RSF1: variants seen among roughly 807,000 people sequenced by gnomAD.
The protein encoded by RSF1 is HBV pX-associated protein 8.
Under a neutral mutation model 145.2 loss-of-function variants are expected in RSF1, and 13 were observed. That is an observed-to-expected ratio of 0.09 (90% confidence interval 0.06 to 0.14). The LOEUF is 0.14. RSF1 is among the 10% of genes least tolerant of loss of function. RSF1 has a pLI of 1.00. For missense variants in RSF1, 1,517 were observed against 1,718.2 expected, an observed-to-expected ratio of 0.88 and a Z score of 2.07; for synonymous variants, 577 against 592.6, an observed-to-expected ratio of 0.97 and a Z score of 0.38.
intron 12 of RSF1, among the ~76,000 whole-genome samples, chr11:77,677,220 C>T (rs1382321090): frequency 1.3e-5 from 2 of 152,140 alleles, no homozygotes; most frequent in East Asian, 3.9e-4. Context: ...TAGGGAACCT[C>T]GTTTTTTAAA....
chr11:77,848,176 G>T, the RSF1 span, among the ~76,000 whole-genome samples: 3 of 152,270 alleles, frequency 2.0e-5, no homozygotes, highest in Admixed American at 6.5e-5. Context: ...AACCATCAAA[G>T]ATACTTATGT....
intron 6 of RSF1, 139 bp downstream of exon 6, chr11:77,700,582 A>G: frequency 1.7e-6 from 1 of 605,014 alleles, no homozygotes; most frequent in Non-Finnish European, 2.8e-6. Context: ...GTAAGAGTAT[A>G]AAGTCTGAAA....
At chr11:77,766,175 A>G (rs772330592) in intron 1 of RSF1, among the ~76,000 whole-genome samples, 1 of 152,190 alleles carries the variant, frequency 6.6e-6, no homozygotes, top group Non-Finnish European at 1.5e-5. Flanking sequence ...TTTAAACCAC[A>G]GGACCATTGT....
intron 15 of RSF1, 86 bp downstream of exon 15, chr11:77,671,956 T>A: frequency 1.6e-6 from 2 of 1,232,816 alleles, no homozygotes; most frequent in Non-Finnish European, 2.2e-6. Flanking sequence ...TTTCAAAGAA[T>A]GGTACAGAAT....
At chr11:77,680,834 A>G (rs973526126) in intron 11 of RSF1, among the ~76,000 whole-genome samples, 1 of 152,232 alleles carries the variant, frequency 6.6e-6, no homozygotes, top group African/African-American at 2.4e-5. Context: ...CAGCACATCC[A>G]TTCACTAGGG....
At chr11:77,694,294 T>C (rs1960231887) in intron 7 of RSF1, among the ~76,000 whole-genome samples, 1 of 152,150 alleles carries the variant, frequency 6.6e-6, no homozygotes, top group Non-Finnish European at 1.5e-5. Flanking sequence ...AAAATTTCCA[T>C]TTTAAATAGC....
chr11:77,821,856 G>A (rs1295046737), upstream of RSF1, among the ~76,000 whole-genome samples: 1 of 152,128 alleles, frequency 6.6e-6, no homozygotes, highest in African/African-American at 2.4e-5. Context: ...GATTCAGCCA[G>A]GCCTGAGTCC....
At chr11:77,808,214 C>G (rs1393684153) in intron 1 of RSF1, among the ~76,000 whole-genome samples, 1 of 151,808 alleles carries the variant, frequency 6.6e-6, no homozygotes, top group Non-Finnish European at 1.5e-5. Flanking sequence ...CGTGCCTGTA[C>G]TCCCAGCTAT....
intron 5 of RSF1, among the ~76,000 whole-genome samples, chr11:77,712,313 G>C (rs568260820): frequency 1.3e-5 from 2 of 152,254 alleles, no homozygotes; most frequent in Non-Finnish European, 2.9e-5. Flanking sequence ...ACATGCCTTT[G>C]CTTCTCCTTT....
chr11:77,709,348 C>T (rs1960625527), intron 5 of RSF1, among the ~76,000 whole-genome samples: 1 of 152,166 alleles, frequency 6.6e-6, no homozygotes, highest in Admixed American at 6.5e-5. Context: ...ATGTAACCTC[C>T]ATCATGGGAA....
chr11:77,701,679 A>G lies in RSF1; in HGVS notation c.1550T>C (p.Ile517Thr). The G allele has an allele frequency of 6.2e-7, 1 of 1,614,052 alleles. No homozygotes were observed. The highest frequency in any genetic ancestry group is 8.5e-7 in the Non-Finnish European group (1 of 1,180,012). ...APLRKDADSS[I>T]SVLEIHSQKA... ...TTGACTATGGATCTCTAAGACTGAT[A>G]TTGAACTATCTGCATCTTTCCTCAA... is the stretch of plus-strand genomic sequence containing the variant. The change falls in exon 6 of 16, where the codon ATA becomes ACA. Residue 517 changes from isoleucine to threonine, a missense_variant. Physicochemically the swap from Ile to Thr is moderately conservative, Grantham distance 89. Coordinates refer to ENST00000308488, the MANE Select transcript of RSF1 (RefSeq NM_016578.4).
chr11:77,736,991 T>C (rs1383086302), intron 4 of RSF1, among the ~76,000 whole-genome samples: 1 of 152,026 alleles, frequency 6.6e-6, no homozygotes, highest in Non-Finnish European at 1.5e-5. Context: ...AATCAGAGAG[T>C]CAATAAACCA....
Position 77,664,023 on chromosome 11 carries a change from TC to T in RSF1, c.*2893del, listed in dbSNP as rs1292153350. 6.6e-6 allele frequency: 1 copy of T among 152,216 alleles called. No homozygotes were observed. Among genetic ancestry groups the T allele is most frequent in the Non-Finnish European group, 1.5e-5 (1 of 68,034 alleles). The allele number at this position is 152,216 out of a possible 1,614,324, so 9.4% of individuals were successfully genotyped here. ...GATCCAAGACTGTCTAAACTCTACA[TC>T]AATTACTGCTTTCCTATACTTTCTG... On this transcript the variant is annotated 3_prime_UTR_variant, in exon 16 of 16. Coordinates refer to ENST00000308488, the MANE Select transcript of RSF1 (RefSeq NM_016578.4).
the RSF1 span, among the ~76,000 whole-genome samples, chr11:77,852,531 TC>T: frequency 6.6e-6 from 1 of 151,990 alleles, no homozygotes; most frequent in African/African-American, 2.4e-5. Context: ...TCCCATCAGG[TC>T]CCTCCTCCAA....
chr11:77,716,684 G>GTACAA (rs1391531564), intron 5 of RSF1, among the ~76,000 whole-genome samples: 1 of 152,168 alleles, frequency 6.6e-6, no homozygotes, highest in African/African-American at 2.4e-5. Flanking sequence ...ATCTACTACT[G>GTACAA]TACAACATGG....
At chr11:77,737,621 G>GGTGTGTGT (rs1170824350) in intron 4 of RSF1, among the ~76,000 whole-genome samples, 75 of 93,536 alleles carry the variant, frequency 8.0e-4, no homozygotes, top group Middle Eastern at 5.1e-3. Context: ...TGTTTTGGGG[G>GGTGTGTGT]GTGTGTGTGT....
intron 1 of RSF1, among the ~76,000 whole-genome samples, chr11:77,776,333 A>T (rs912394216): frequency 6.6e-6 from 1 of 152,214 alleles, no homozygotes; most frequent in Non-Finnish European, 1.5e-5. Flanking sequence ...CTTTTATAGA[A>T]AATTCTGCAG....
intron 4 of RSF1, chr11:77,734,526 T>C: frequency 6.3e-7 from 1 of 1,585,618 alleles, no homozygotes. Flanking sequence ...AGAGATATTC[T>C]GCCAAGCCAG....
chr11:77,667,524 C>T (rs747659014), intron 15 of RSF1, 33 bp from the exon 16 acceptor site: 17 of 1,558,352 alleles, frequency 1.1e-5, no homozygotes, highest in East Asian at 9.0e-5. Flanking sequence ...GCCATTGGCA[C>T]GGTTAACCAT....
Sources: gnomAD v4.1 joint callset for allele counts (sites outside exome capture counted in the v4.1 genomes callset) on GRCh38, gnomAD v4.1.1 for gene constraint, MANE v1.5 for transcripts, NCBI Gene and HGNC (gene_info 2026-07-23, HGNC 2026-07-21) for gene names.